The following JAG2 variants were observed in gnomAD, a reference collection of about 807,000 sequenced individuals.
The protein encoded by JAG2 is jagged canonical Notch ligand 2, also known as protein jagged-2.
Under a neutral mutation model 141.7 loss-of-function variants are expected in JAG2, and 46 were observed. That is an observed-to-expected ratio of 0.32 (90% CI 0.26 to 0.42). The LOEUF is 0.42. JAG2 is among the 10% of genes least tolerant of loss of function. JAG2 has a pLI of 1.00. For missense variants in JAG2, 1,500 were observed against 1,817.5 expected (o/e 0.83, Z 3.18); for synonymous variants, 862 against 763.5 (o/e 1.13, Z -2.13).
rs769580566 is a variant in JAG2 at position 105,148,391 on chromosome 14, T to C, written c.2069A>G (p.Tyr690Cys). 2 of 1,611,984 alleles carry C rather than the reference T, an allele frequency of 1.2e-6. No individual in the cohort carries two copies. The highest frequency in any genetic ancestry group is 1.3e-5 in the African/African-American group (1 of 74,830). Residue 690 changes from tyrosine (Y) to cysteine (C), a missense_variant, in exon 16 of 26, where the codon TAC (tyrosine) becomes TGC (cysteine). Coordinates refer to ENST00000331782, the MANE Select transcript of JAG2 (RefSeq NM_002226.5). ...PDPCHSRGRCYDLVNDFYCAC... is the reference protein window; with the variant it reads ...PDPCHSRGRCCDLVNDFYCAC... ...ACAGTAGAAGTCATTGACCAGGTCGTAGCAGCGGCCGCGGCTGTGGCAGGG... is the reference window on the plus strand; with the variant it reads ...ACAGTAGAAGTCATTGACCAGGTCGCAGCAGCGGCCGCGGCTGTGGCAGGG...
intron 2 of JAG2, among the ~76,000 whole-genome samples, chr14:105,165,342 G>A (rs1404225130): frequency 6.6e-6 from 1 of 152,226 alleles, no homozygotes; most frequent in Non-Finnish European, 1.5e-5. Flanking sequence ...AGCACCCGGG[G>A]TGCGTGCACA....
chr14:105,158,767 G>A (rs1888648597), intron 2 of JAG2, among the ~76,000 whole-genome samples: 1 of 152,068 alleles, frequency 6.6e-6, no homozygotes, highest in Non-Finnish European at 1.5e-5. Flanking sequence ...CCAGAGGAGG[G>A]GGCTGGGGCT....
At chr14:105,158,510 A>C (rs907328183) in intron 2 of JAG2, among the ~76,000 whole-genome samples, 8 of 152,100 alleles carry the variant, frequency 5.3e-5, no homozygotes, top group Admixed American at 3.9e-4. Context: ...CCATGGCGAC[A>C]GGCGATGCTG....
intron 5 of JAG2, among the ~76,000 whole-genome samples, chr14:105,153,314 C>T (rs904189173): frequency 6.6e-6 from 1 of 152,252 alleles, no homozygotes; most frequent in Non-Finnish European, 1.5e-5. Flanking sequence ...AACGTGTCTC[C>T]AGTATCCAGC....
chr14:105,146,556 G>T, intron 21 of JAG2, 55 bp downstream of exon 21: 1 of 1,605,496 alleles, frequency 6.2e-7, no homozygotes, highest in African/African-American at 1.3e-5. Context: ...TCGGGGCTGG[G>T]TGTCACCCAT....
chr14:105,165,345 C>T (rs1178416662), intron 2 of JAG2, among the ~76,000 whole-genome samples: 4 of 152,346 alleles, frequency 2.6e-5, no homozygotes, highest in East Asian at 1.9e-4. Flanking sequence ...ACCCGGGGTG[C>T]GTGCACACAC....
At chr14:105,143,267 C>T (rs954736421) in intron 25 of JAG2, 97 bp from the exon 26 acceptor site, 41 of 1,424,154 alleles carry the variant, frequency 2.9e-5, no homozygotes, top group Middle Eastern at 2.2e-4. Flanking sequence ...GCGGGCCAGG[C>T]GGCCGGGCCC....
intron 5 of JAG2, 121 bp downstream of exon 5, chr14:105,155,441 C>T: frequency 8.8e-7 from 1 of 1,134,092 alleles, no homozygotes. Flanking sequence ...GCCCGGCTCT[C>T]ACAGCTGTGT....
Position 105,150,633 on chromosome 14 carries a change from G to A in JAG2, c.1573C>T (p.Pro525Ser). The A allele has an allele frequency of 6.5e-7, 1 of 1,549,562 alleles. No individual in the cohort carries two copies. Among genetic ancestry groups the A allele is most frequent in the Non-Finnish European group, 8.7e-7 (1 of 1,146,562 alleles). ...DLADGFHCHC[P>S]QGFSGPLCEV... The stretch of plus-strand genomic sequence containing the variant: ...CAGAGAGGCCCGGAGAAGCCCTGGG[G>A]GCAGTGGCAGTGGAAGCCGTCGGCC... Residue 525 changes from proline to serine, a missense_variant, in exon 12 of 26, where the codon CCC becomes TCC. Pro to Ser is a moderately conservative substitution (Grantham distance 74). This residue lies in a region of JAG2 where 875 missense variants were observed against 1,202.2 expected (regional missense o/e 0.73). Coordinates refer to ENST00000331782, the MANE Select transcript of JAG2 (RefSeq NM_002226.5).
In JAG2 at chr14:105,143,618, G is replaced by T. The variant is rs201228243; in HGVS notation, c.3105C>A (p.Asp1035Glu). The T allele has an allele frequency of 4.4e-5, 71 of 1,608,106 alleles. No homozygotes were observed. The East Asian group carries it at 1.5e-3, about 34-fold the overall frequency. Residue 1035 changes from aspartate to glutamate, a missense_variant, in exon 25 of 26, where the codon GAC (aspartate) becomes GAA (glutamate). Physicochemically the swap from Asp to Glu is conservative, Grantham distance 45. Coordinates refer to ENST00000331782, the MANE Select transcript of JAG2 (RefSeq NM_002226.5). Reference protein sequence around the residue: ...EVAVSFSPARDLPDSSLIQGA... With the variant: ...EVAVSFSPARELPDSSLIQGA... ...CCTGGATCAGGCTGCTGTCAGGCAG[G>T]TCCCTGGCAGGGCTGAAGGACTGCG... is the stretch of plus-strand genomic sequence containing the variant.
intron 18 of JAG2, 40 bp from the exon 19 acceptor site, chr14:105,147,567 C>T (rs1208418445): frequency 3.1e-6 from 5 of 1,597,202 alleles, no homozygotes; most frequent in Admixed American, 3.3e-5. Context: ...CAGTACCCAC[C>T]CCCCAAGCGT....
intron 2 of JAG2, among the ~76,000 whole-genome samples, chr14:105,164,699 G>A (rs1296684652): frequency 6.6e-6 from 1 of 152,194 alleles, no homozygotes; most frequent in Non-Finnish European, 1.5e-5. Context: ...TCCCTAGGGG[G>A]CAAAGGAGAG....
chr14:105,166,877 C>T (rs944563737), intron 2 of JAG2, among the ~76,000 whole-genome samples: 2 of 152,176 alleles, frequency 1.3e-5, no homozygotes, highest in Admixed American at 1.3e-4. Context: ...AGGCCCCCAG[C>T]ACAATGACCA....
chr14:105,162,832 A>G (rs748204116), intron 2 of JAG2, among the ~76,000 whole-genome samples: 57 of 151,522 alleles, frequency 3.8e-4, no homozygotes, highest in Non-Finnish European at 7.2e-4. Context: ...CCCCCAGCCC[A>G]GGGCACTGCA....
intron 12 of JAG2, among the ~76,000 whole-genome samples, 189 bp from the exon 13 acceptor site, chr14:105,149,509 T>C (rs1319962687): frequency 6.6e-6 from 1 of 151,826 alleles, no homozygotes; most frequent in African/African-American, 2.4e-5. Flanking sequence ...TGAACGCAGA[T>C]ACCTGTGGGC....
rs758171034 is a variant in JAG2 at position 105,168,122 on chromosome 14, G to T, written c.67-15C>A. 14 of 1,516,988 alleles carry T rather than the reference G, an allele frequency of 9.2e-6. No homozygotes were observed. The highest frequency in any genetic ancestry group is 2.2e-4 in the Middle Eastern group (1 of 4,448). 94.0% of individuals were successfully genotyped at this position (1,516,988 alleles called of 1,614,324 possible). On this transcript the variant is annotated splice_polypyrimidine_tract_variant and intron_variant, in intron 1 of 25. Transcript: ENST00000331782. ...GGCCGCGCCGCCTAAAAATAAGGCA[G>T]CGGGAGAGCGGAGGGAGGCGCGGGC...
intron 17 of JAG2, 62 bp from the exon 18 acceptor site, chr14:105,147,950 T>G: frequency 7.4e-7 from 1 of 1,348,368 alleles, no homozygotes; most frequent in Non-Finnish European, 1.0e-6. Context: ...TGGGTCTCCA[T>G]ACCGCGCCCC....
At position 105,146,462 on chromosome 14, in the gene JAG2, G is replaced by C; in HGVS notation, c.2632C>G (p.Pro878Ala). The change falls in exon 22 of 26, where the codon CCG (proline) becomes GCG (alanine). Residue 878 changes from proline (P) to alanine (A), a missense_variant. Pro to Ala is a conservative substitution (Grantham distance 27). This residue lies in a region of JAG2 where 875 missense variants were observed against 1,202.2 expected (regional missense o/e 0.73). Transcript: ENST00000331782. ...FGRSCWSRGT[P>A]FPHGSSWVED... ...ACCCAGGAGCTTCCGTGTGGGAACGGAGTGCCCCGGGACCAGCAGGATCTC... is the reference window on the plus strand; with the variant it reads ...ACCCAGGAGCTTCCGTGTGGGAACGCAGTGCCCCGGGACCAGCAGGATCTC... 6.2e-7 allele frequency: 1 copy of C among 1,612,802 alleles called. No homozygotes were observed. Among genetic ancestry groups the C allele is most frequent in the Non-Finnish European group, 8.5e-7 (1 of 1,179,914 alleles).
In JAG2 at chr14:105,167,793, C is replaced by T; in HGVS notation, c.381G>A (p.Pro127=). The change falls in exon 2 of 26, where the codon CCG becomes CCA. Residue 127 remains proline, a synonymous_variant. Transcript: ENST00000331782. The surrounding 1 kb of genome is among the most constrained non-coding windows in gnomAD (Gnocchi z 4.8). ...ACTGGAAGGGGATGACGACGAGGCCCGGGTCCTGGTCGCCGCCGGCCCGGG... is the reference window on the plus strand; with the variant it reads ...ACTGGAAGGGGATGACGACGAGGCCTGGGTCCTGGTCGCCGCCGGCCCGGG... The part of the protein sequence containing the change: ...ARARAGGDQD[P]GLVVIPFQFA... 3.4e-6 allele frequency: 5 copies of T among 1,464,474 alleles called. No individual in the cohort carries two copies. The highest frequency in any genetic ancestry group is 2.4e-5 in the Admixed American group (1 of 40,896). 90.7% of individuals were successfully genotyped at this position (1,464,474 alleles called of 1,614,324 possible). A position where few individuals can be genotyped will look rare whatever the true frequency, so the allele number is the denominator to read the frequency against.
Sources: allele counts gnomAD v4.1 joint callset (sites outside exome capture counted in the v4.1 genomes callset), GRCh38; gene constraint gnomAD v4.1.1; regional missense constraint gnomAD v4.1.1; non-coding constraint Gnocchi (gnomAD v3.1); transcripts MANE v1.5; gene names NCBI Gene and HGNC (gene_info 2026-07-23, HGNC 2026-07-21).